GANAB: variants seen among roughly 807,000 people sequenced by gnomAD.
The protein encoded by GANAB is glucosidase II alpha subunit, also known as neutral alpha-glucosidase AB.
GANAB carries 35 observed loss-of-function variants against 129.9 expected under a neutral mutation model. That is an observed-to-expected ratio of 0.27 (90% CI 0.21 to 0.36). The LOEUF (loss-of-function observed/expected upper bound fraction) is 0.36. Among genes scored for constraint, GANAB ranks in the 10% least tolerant of loss-of-function variants. The pLI is 1.00. For synonymous variants in GANAB, 482 were observed against 451.8 expected, an observed-to-expected ratio of 1.07 and a Z score of -0.85; for missense variants, 939 against 1,221.0, an observed-to-expected ratio of 0.77 and a Z score of 3.44.
At position 62,625,090 on chromosome 11, in the gene GANAB, G is replaced by C; in HGVS notation, c.*725C>G. 2.6e-6 allele frequency: 1 copy of C among 390,738 alleles called. No individual in the cohort carries two copies. Among genetic ancestry groups the C allele is most frequent in the Non-Finnish European group, 5.0e-6 (1 of 198,554 alleles). The allele number at this position is 390,738 out of a possible 1,614,324, so 24.2% of individuals were successfully genotyped here. ...CTCCATCTTAAGTGCCCCTCAAAGGGGACAAGAAGGGGGCAAAAGAAGTTT... is the reference window on the plus strand; with the variant it reads ...CTCCATCTTAAGTGCCCCTCAAAGGCGACAAGAAGGGGGCAAAAGAAGTTT... On this transcript the variant is annotated 3_prime_UTR_variant, in exon 24 of 24. Transcript: ENST00000356638.
chr11:62,645,338 C>G (rs1403374315), intron 1 of GANAB, among the ~76,000 whole-genome samples: 1 of 152,140 alleles, frequency 6.6e-6, no homozygotes. Flanking sequence ...AGATCGAGAT[C>G]ATCCTCACCA....
At chr11:62,645,103 C>G (rs1444556890) in intron 1 of GANAB, among the ~76,000 whole-genome samples, 1 of 151,958 alleles carries the variant, frequency 6.6e-6, no homozygotes, top group African/African-American at 2.4e-5. Context: ...TTTAATAGGC[C>G]AAGCAGAATA....
chr11:62,626,214 AGAAG>A (rs767143750), intron 22 of GANAB, 49 bp from the exon 23 acceptor site: 62 of 1,419,938 alleles, frequency 4.4e-5, no homozygotes, highest in Non-Finnish European at 6.0e-5. Context: ...ATAACAGAAC[AGAAG>A]GAAGGAGGAG....
In GANAB at chr11:62,630,441, C is replaced by T. The variant is rs763578334; in HGVS notation, c.1451G>A (p.Arg484Gln). Residue 484 changes from arginine to glutamine, a missense_variant, in exon 12 of 24, where the codon CGG becomes CAG. Physicochemically the swap from Arg to Gln is conservative, Grantham distance 43. This residue lies in a region of GANAB where 220 missense variants were observed against 295.9 expected (regional missense o/e 0.74). Transcript: ENST00000356638. Reference protein sequence around the residue: ...DSGYRVHEELRNLGLYVKTRD... With the variant: ...DSGYRVHEELQNLGLYVKTRD... ...GGTTTTAACATACAGCCCCAGGTTCCGCAGCTCCTCGTGAACTCGGTAGCC... is the reference window on the plus strand; with the variant it reads ...GGTTTTAACATACAGCCCCAGGTTCTGCAGCTCCTCGTGAACTCGGTAGCC... 2.7e-5 allele frequency: 43 copies of T among 1,614,048 alleles called. No individual in the cohort carries two copies. In the Admixed American group the frequency reaches 4.5e-4, roughly 17 times the overall value.
At chr11:62,641,952 T>C (rs895208091) in intron 1 of GANAB, among the ~76,000 whole-genome samples, 14 of 151,508 alleles carry the variant, frequency 9.2e-5, no homozygotes, top group Non-Finnish European at 1.9e-4. Flanking sequence ...AACCCAGCAC[T>C]TTGGGAGGCC....
chr11:62,629,515 C>T (rs923644880), intron 15 of GANAB, 73 bp downstream of exon 15: 4 of 979,346 alleles, frequency 4.1e-6, no homozygotes, highest in Non-Finnish European at 6.2e-6. Context: ...CTCAGAGAGG[C>T]AGGTCCAGGT....
rs747146421 is a variant in GANAB at position 62,626,393 on chromosome 11, T to A, written c.2566A>T (p.Thr856Ser). 6.2e-7 allele frequency: 1 copy of A among 1,613,662 alleles called. No individual in the cohort carries two copies. Among genetic ancestry groups the A allele is most frequent in the Non-Finnish European group, 8.5e-7 (1 of 1,179,698 alleles). ...LDDGHTFNYQTRQEFLLRRFS... is the reference protein window; with the variant it reads ...LDDGHTFNYQSRQEFLLRRFS... ...CGACGCAGCAGGAACTCTTGGCGAG[T>A]CTGATAGTTGAACGTGTGCCCATCA... The change falls in exon 22 of 24, where the codon ACT becomes TCT. Residue 856 changes from threonine (T) to serine (S), a missense_variant. By Grantham distance (58) the Thr-to-Ser change is moderately conservative. Transcript: ENST00000356638.
chr11:62,646,456 G>A (rs1026454693), intron 1 of GANAB, 106 bp downstream of exon 1: 1 of 1,320,870 alleles, frequency 7.6e-7, no homozygotes, highest in African/African-American at 1.5e-5. Context: ...GGTTCCTCAC[G>A]AGGCCGGGGG....
intron 4 of GANAB, among the ~76,000 whole-genome samples, chr11:62,635,855 C>G (rs1943918448): frequency 6.6e-6 from 1 of 151,932 alleles, no homozygotes; most frequent in South Asian, 2.1e-4. Context: ...ATCTCAAACT[C>G]CTGACCTCAA....
Position 62,629,310 on chromosome 11 carries a change from A to T in GANAB, c.1835-15T>A. 1 of 1,557,710 alleles carries T rather than the reference A, an allele frequency of 6.4e-7. No homozygotes were observed. Among genetic ancestry groups the T allele is most frequent in the Non-Finnish European group, 8.9e-7 (1 of 1,128,560 alleles). ...CCACACGGCTCCTGAGGAAGACAAGAAGTGGGGAGCTTGCACATGGTAAAG... is the reference window on the plus strand; with the variant it reads ...CCACACGGCTCCTGAGGAAGACAAGTAGTGGGGAGCTTGCACATGGTAAAG... On this transcript the variant is annotated splice_polypyrimidine_tract_variant and intron_variant, in intron 15 of 23. Transcript: ENST00000356638.
At position 62,630,363 on chromosome 11, in the gene GANAB, T is replaced by C; in HGVS notation, c.1513+16A>G. The C allele has an allele frequency of 6.2e-7, 1 of 1,614,132 alleles. No individual in the cohort carries two copies. Among genetic ancestry groups the C allele is most frequent in the Admixed American group, 1.7e-5 (1 of 60,026 alleles). On this transcript the variant is annotated intron_variant, in intron 12 of 23. Transcript: ENST00000356638. Reference sequence around the variant, plus strand: ...CGCTGGCCAATCAACTCTCCCTCAATTCTGGGTCTGCTTACCTGGCCAGCA... The same window carrying C: ...CGCTGGCCAATCAACTCTCCCTCAACTCTGGGTCTGCTTACCTGGCCAGCA...
At chr11:62,630,155 T>C (rs1590800021) in intron 13 of GANAB, 42 bp downstream of exon 13, 1 of 1,473,456 alleles carries the variant, frequency 6.8e-7, no homozygotes, top group Non-Finnish European at 9.4e-7. Flanking sequence ...GGGAGGCAGG[T>C]GGAACAGACA....
chr11:62,631,996 CAG>C (rs1021719791), intron 9 of GANAB, among the ~76,000 whole-genome samples: 18 of 149,610 alleles, frequency 1.2e-4, no homozygotes, highest in South Asian at 1.0e-3. Context: ...TTTTCTGAAA[CAG>C]AGTCTCACTC....
chr11:62,639,872 A>G, intron 1 of GANAB, 141 bp from the exon 2 acceptor site: 1 of 637,218 alleles, frequency 1.6e-6, no homozygotes, highest in Non-Finnish European at 2.8e-6. Context: ...ATCAAATACA[A>G]AACAAGGCAG....
At chr11:62,634,711 C>A (rs1943857777) in intron 5 of GANAB, 110 bp downstream of exon 5, 1 of 916,330 alleles carries the variant, frequency 1.1e-6, no homozygotes, top group South Asian at 1.6e-5. Context: ...TCTCCCAGCC[C>A]CCAGGCCCTA....
At chr11:62,639,811 G>C in intron 1 of GANAB, 80 bp from the exon 2 acceptor site, 2 of 810,760 alleles carry the variant, frequency 2.5e-6, no homozygotes, top group South Asian at 2.8e-5. Context: ...GCTTCTTCCT[G>C]TCATAGCACT....
chr11:62,641,269 G>A (rs1246791345), intron 1 of GANAB, among the ~76,000 whole-genome samples: 1 of 150,946 alleles, frequency 6.6e-6, no homozygotes, highest in African/African-American at 2.4e-5. Flanking sequence ...GCTTGAACCC[G>A]GGAGGCAGAG....
chr11:62,626,406 C>G lies in GANAB; in HGVS notation c.2553G>C (p.Thr851=), dbSNP rs1367437336. ...QGELFLDDGH[T]FNYQTRQEFL... ...ACTCTTGGCGAGTCTGATAGTTGAA[C>G]GTGTGCCCATCATCCAGAAAGAGCT... is the stretch of plus-strand genomic sequence containing the variant. The change falls in exon 22 of 24, where the codon ACG becomes ACC. Residue 851 remains threonine, a synonymous_variant. Transcript: ENST00000356638. The G allele has an allele frequency of 6.2e-7, 1 of 1,613,386 alleles. No homozygotes were observed. The highest frequency in any genetic ancestry group is 1.3e-5 in the African/African-American group (1 of 74,892).
intron 5 of GANAB, chr11:62,634,486 A>G (rs1943844039): frequency 4.1e-6 from 3 of 727,738 alleles, no homozygotes; most frequent in Admixed American, 4.7e-5. Flanking sequence ...ATGGGGGGAA[A>G]AAGAAACCAA....
Sources: allele counts gnomAD v4.1 joint callset (sites outside exome capture counted in the v4.1 genomes callset), GRCh38; gene constraint gnomAD v4.1.1; regional missense constraint gnomAD v4.1.1; transcripts MANE v1.5; gene names NCBI Gene and HGNC (gene_info 2026-07-23, HGNC 2026-07-21).